Variants in FAM227B observed in about 807,000 individuals in gnomAD.
FAM227B encodes family with sequence similarity 227 member B.
FAM227B carries 88 observed loss-of-function variants against 73.8 expected under a neutral mutation model. The ratio of observed to expected loss-of-function variants is 1.19; its 90% CI spans 1.00 to 1.42. FAM227B has a LOEUF of 1.42. Among genes scored for constraint, FAM227B ranks in the 40% most tolerant of loss-of-function variants. FAM227B has a pLI of 0.00. For synonymous variants in FAM227B, 210 were observed against 190.5 expected (o/e 1.10, Z -0.84); for missense variants, 632 against 590.9 (o/e 1.07, Z -0.72).
intron 11 of FAM227B, among the ~76,000 whole-genome samples, chr15:49,389,118 T>A (rs2047051806): frequency 6.6e-6 from 1 of 151,994 alleles, no homozygotes; most frequent in South Asian, 2.1e-4. Context: ...GAACTACCAT[T>A]TGATCCAGCA....
intron 11 of FAM227B, among the ~76,000 whole-genome samples, chr15:49,471,342 G>A (rs1178156813): frequency 6.6e-6 from 1 of 151,748 alleles, no homozygotes; most frequent in Non-Finnish European, 1.5e-5. Context: ...AAAATTAGCT[G>A]GTGTGGTGGC....
chr15:49,327,830 C>T lies in FAM227B; in HGVS notation c.*738G>A. 1.2e-6 allele frequency: 1 copy of T among 858,418 alleles called. No homozygotes were observed. The allele number at this position is 858,418 out of a possible 1,614,324, so 53.2% of individuals were successfully genotyped here. A position where few individuals can be genotyped will look rare whatever the true frequency, so the allele number is the denominator to read the frequency against. ...TAATGTCCTAAAATGTTTGATGACA[C>T]CTAAAAACCCCGCATGTATTTTCTT... On this transcript the variant is annotated 3_prime_UTR_variant, in exon 16 of 16. Coordinates refer to ENST00000299338, the MANE Select transcript of FAM227B (RefSeq NM_152647.3).
intron 9 of FAM227B, among the ~76,000 whole-genome samples, chr15:49,562,578 T>A (rs1020453892): frequency 6.6e-6 from 1 of 151,134 alleles, no homozygotes; most frequent in East Asian, 1.9e-4. Context: ...AGATCCCTGA[T>A]GAACACAGAG....
chr15:49,369,376 A>T (rs1245440605), intron 12 of FAM227B, among the ~76,000 whole-genome samples: 1 of 152,168 alleles, frequency 6.6e-6, no homozygotes, highest in African/African-American at 2.4e-5. Context: ...CCCATGAAAG[A>T]TAATAGCAGA....
chr15:49,511,074 C>T (rs905803175), intron 10 of FAM227B, among the ~76,000 whole-genome samples: 2 of 151,536 alleles, frequency 1.3e-5, no homozygotes, highest in Non-Finnish European at 2.9e-5. Context: ...CTCTTTCAAA[C>T]TAGAAACTCA....
chr15:49,362,476 T>C (rs1369188503), intron 13 of FAM227B, among the ~76,000 whole-genome samples: 3 of 152,066 alleles, frequency 2.0e-5, no homozygotes, highest in Non-Finnish European at 4.4e-5. Flanking sequence ...TAGTTCTTTA[T>C]AGCAGCATGA....
At chr15:49,506,822 C>A (rs906246505) in intron 11 of FAM227B, among the ~76,000 whole-genome samples, 8 of 151,830 alleles carry the variant, frequency 5.3e-5, no homozygotes, top group Admixed American at 4.6e-4. Context: ...GAAATTTAAT[C>A]TTTAATTGCT....
intron 11 of FAM227B, among the ~76,000 whole-genome samples, chr15:49,471,641 A>G (rs1014599060): frequency 1.3e-5 from 2 of 152,072 alleles, no homozygotes; most frequent in African/African-American, 4.8e-5. Context: ...GAAAGTTATG[A>G]TTTTCTAATC....
At chr15:49,374,977 T>C (rs555891276) in intron 11 of FAM227B, among the ~76,000 whole-genome samples, 7 of 152,338 alleles carry the variant, frequency 4.6e-5, no homozygotes, top group African/African-American at 1.2e-4. Context: ...GGTTTGTATA[T>C]ATATTAAATC....
chr15:49,381,005 G>A (rs899485472), intron 11 of FAM227B, among the ~76,000 whole-genome samples: 8 of 152,154 alleles, frequency 5.3e-5, no homozygotes, highest in Non-Finnish European at 1.0e-4. Context: ...GATTACAATC[G>A]TGGTAAAAGG....
intron 3 of FAM227B, among the ~76,000 whole-genome samples, chr15:49,590,487 A>C (rs1050481971): frequency 6.6e-6 from 1 of 152,174 alleles, no homozygotes; most frequent in Non-Finnish European, 1.5e-5. Context: ...TCTGTGGGGA[A>C]GGGAAGGGGG....
intron 12 of FAM227B, among the ~76,000 whole-genome samples, chr15:49,369,147 C>T (rs1265221770): frequency 2.0e-5 from 3 of 151,754 alleles, no homozygotes; most frequent in Non-Finnish European, 4.4e-5. Flanking sequence ...TTAGTAGAGA[C>T]GGGGTATCAC....
At chr15:49,429,198 C>T (rs141392084) in intron 11 of FAM227B, among the ~76,000 whole-genome samples, 116 of 152,040 alleles carry the variant, frequency 7.6e-4, no homozygotes, top group Non-Finnish European at 1.1e-3. Flanking sequence ...AACATATCTA[C>T]GCAGTCGAAC....
intron 9 of FAM227B, among the ~76,000 whole-genome samples, chr15:49,551,293 G>A (rs1043825107): frequency 5.3e-5 from 8 of 152,096 alleles, no homozygotes; most frequent in East Asian, 3.9e-4. Context: ...GGGAGAGGAC[G>A]CATATGTATT....
At chr15:49,330,741 A>G (rs1567081477) in intron 15 of FAM227B, 1 of 149,150 alleles carries the variant, frequency 6.7e-6, no homozygotes, top group South Asian at 2.1e-4. Flanking sequence ...GGGAAGATAG[A>G]CCAAAAAAAA....
chr15:49,489,171 G>C, intron 11 of FAM227B: 1 of 751,664 alleles, frequency 1.3e-6, no homozygotes, highest in Non-Finnish European at 1.6e-6. Flanking sequence ...ATACATACCA[G>C]AAAGCAGGGA....
chr15:49,567,645 C>T (rs1160423845), intron 9 of FAM227B, among the ~76,000 whole-genome samples: 1 of 152,084 alleles, frequency 6.6e-6, no homozygotes, highest in Non-Finnish European at 1.5e-5. Context: ...ATTGCTAATG[C>T]AACAAAGTAT....
At chr15:49,585,062 T>C (rs2076064039) in intron 5 of FAM227B, among the ~76,000 whole-genome samples, 1 of 152,136 alleles carries the variant, frequency 6.6e-6, no homozygotes, top group Non-Finnish European at 1.5e-5. Context: ...AAAGAAGACA[T>C]TTATGCAGCC....
chr15:49,553,468 A>G (rs2073278239), intron 9 of FAM227B, among the ~76,000 whole-genome samples: 1 of 152,206 alleles, frequency 6.6e-6, no homozygotes, highest in African/African-American at 2.4e-5. Context: ...GGGCTCTACA[A>G]TCAGCAAGTG....
Sources: allele counts gnomAD v4.1 joint callset (sites outside exome capture counted in the v4.1 genomes callset), GRCh38; gene constraint gnomAD v4.1.1; transcripts MANE v1.5; gene names NCBI Gene and HGNC (gene_info 2026-07-23, HGNC 2026-07-21).